MCM5: variants seen among roughly 807,000 people sequenced by gnomAD.
MCM5 encodes minichromosome maintenance complex component 5.
A neutral mutation model predicts 79.9 loss-of-function variants in MCM5; 46 were observed. That is an observed-to-expected ratio of 0.58 (90% confidence interval 0.45 to 0.74). MCM5 has a LOEUF of 0.74. Among genes scored for constraint, MCM5 ranks in the 30% least tolerant of loss-of-function variants. MCM5 has a pLI of 0.00. For synonymous variants in MCM5, 404 were observed against 390.5 expected, an observed-to-expected ratio of 1.03 and a Z score of -0.41; for missense variants, 883 against 1,017.0, an observed-to-expected ratio of 0.87 and a Z score of 1.79.
At chr22:35,444,995 C>T in the MCM5 span, among the ~76,000 whole-genome samples, 1 of 152,244 alleles carries the variant, frequency 6.6e-6, no homozygotes, top group African/African-American at 2.4e-5. Flanking sequence ...CAGAGCGACC[C>T]TGTGACCTGC....
At chr22:35,444,261 T>TGAGAGAGGTG in the MCM5 span, among the ~76,000 whole-genome samples, 1 of 135,380 alleles carries the variant, frequency 7.4e-6, no homozygotes, top group Admixed American at 7.4e-5. Flanking sequence ...AATTAATGGG[T>TGAGAGAGGTG]GAGAGAGGTG....
chr22:35,410,976 A>G lies in MCM5; in HGVS notation c.919+66A>G, dbSNP rs1932367918. On this transcript the variant is annotated intron_variant, in intron 7 of 16. Coordinates refer to ENST00000216122, the MANE Select transcript of MCM5 (RefSeq NM_006739.4). ...GCTGTGCTTGCATACTTCTGGTAAC[A>G]GGCAGCTCGTTACTTCATGAGGTAG... 5 of 1,461,858 alleles carry G rather than the reference A, an allele frequency of 3.4e-6. No individual in the cohort carries two copies. The South Asian group carries it at 6.7e-5, about 20-fold the overall frequency. 90.6% of individuals were successfully genotyped at this position (1,461,858 alleles called of 1,614,324 possible).
chr22:35,447,199 G>A, the MCM5 span, among the ~76,000 whole-genome samples: 123 of 152,292 alleles, frequency 8.1e-4, no homozygotes, highest in Non-Finnish European at 1.5e-3. Flanking sequence ...TCGACATGAA[G>A]CTGTGTGGGA....
the MCM5 span, among the ~76,000 whole-genome samples, chr22:35,452,230 C>G: frequency 0.2 from 30,397 of 151,954 alleles, 3,431 homozygotes; most frequent in African/African-American, 0.31. Flanking sequence ...CAGCACCCAG[C>G]CCTTTGCACC....
chr22:35,425,368 A>T lies in MCM5; in HGVS notation c.*1113A>T, dbSNP rs919862416. ...GGTATTTAAAAGTAATTGCCATGTA[A>T]AAATGACACGAACTTGAAGTAAGAT... On this transcript the variant is annotated 3_prime_UTR_variant, in exon 17 of 17. Transcript: ENST00000216122. The T allele has an allele frequency of 5.9e-5, 9 of 152,242 alleles. No individual in the cohort carries two copies. The highest frequency in any genetic ancestry group is 1.0e-4 in the Non-Finnish European group (7 of 68,040). The allele number at this position is 152,242 out of a possible 1,614,324, so 9.4% of individuals were successfully genotyped here. A position where few individuals can be genotyped will look rare whatever the true frequency, so the allele number is the denominator to read the frequency against.
At chr22:35,417,028 G>A (rs894705882) in intron 12 of MCM5, among the ~76,000 whole-genome samples, 8 of 152,188 alleles carry the variant, frequency 5.3e-5, no homozygotes, top group Admixed American at 2.6e-4. Flanking sequence ...TCTGCCGTGA[G>A]TGATAAGCTG....
intron 9 of MCM5, among the ~76,000 whole-genome samples, chr22:35,414,944 G>A (rs1169891027): frequency 1.3e-5 from 2 of 152,170 alleles, no homozygotes; most frequent in Non-Finnish European, 2.9e-5. Context: ...TGTATAGGGC[G>A]AGATGGTGGT....
rs1047876828 is a variant in MCM5, at chr22:35,405,710, C to T, written c.424-843C>T. Among the ~76,000 whole-genome samples the T allele has an allele frequency of 2.6e-5, 4 of 152,086 alleles. No homozygotes were observed. The East Asian group carries it at 5.8e-4, about 22-fold the overall frequency. On this transcript the variant is annotated intron_variant, in intron 4 of 16. Coordinates refer to ENST00000216122, the MANE Select transcript of MCM5 (RefSeq NM_006739.4). Reference sequence around the variant, plus strand: ...AAGGCATAGCTACAATAACATCACACTTAAAAATTAACATTACGGCCGGGC... The same window carrying T: ...AAGGCATAGCTACAATAACATCACATTTAAAAATTAACATTACGGCCGGGC...
Position 35,406,480 on chromosome 22 carries a change from G to T in MCM5, c.424-73G>T, listed in dbSNP as rs938855754. 1.3e-5 allele frequency: 18 copies of T among 1,423,122 alleles called. No individual in the cohort carries two copies. In the South Asian group the frequency reaches 2.3e-4, roughly 18 times the overall value. 88.2% of individuals were successfully genotyped at this position (1,423,122 alleles called of 1,614,324 possible). On this transcript the variant is annotated intron_variant, in intron 4 of 16. Transcript: ENST00000216122. ...CCACCTCCTCCAGGCTCCTGCCCAG[G>T]ATATTTACTGGCATATCTCAGATGC...
intron 2 of MCM5, chr22:35,401,824 C>G: frequency 2.5e-6 from 1 of 402,960 alleles, no homozygotes; most frequent in Non-Finnish European, 5.0e-6. Context: ...GGTGAAAGGA[C>G]TTAGGGAAGT....
the MCM5 span, among the ~76,000 whole-genome samples, chr22:35,432,802 A>G: frequency 6.8e-6 from 1 of 148,090 alleles, no homozygotes; most frequent in South Asian, 2.1e-4. Context: ...TAGAGATGGG[A>G]GGTCCTAGAG....
At chr22:35,402,593 G>A (rs4645744) in intron 2 of MCM5, among the ~76,000 whole-genome samples, 64 of 151,152 alleles carry the variant, frequency 4.2e-4, no homozygotes, top group African/African-American at 1.2e-3. Context: ...TCAGTCTGTC[G>A]CCCAGGCTGG....
At chr22:35,438,516 C>CAT in the MCM5 span, among the ~76,000 whole-genome samples, 1 of 75,214 alleles carries the variant, frequency 1.3e-5, no homozygotes, top group African/African-American at 4.1e-5. Context: ...TCCATCTATG[C>CAT]ATCCATCCAT....
At chr22:35,428,077 T>G (rs975096564), downstream of MCM5, among the ~76,000 whole-genome samples, 9 of 150,360 alleles carry the variant, frequency 6.0e-5, no homozygotes, top group African/African-American at 2.2e-4. Context: ...CTGGAGTGCA[T>G]TGGCGCGATC....
chr22:35,413,077 CTG>C (rs1932434307), intron 8 of MCM5, among the ~76,000 whole-genome samples: 2 of 151,864 alleles, frequency 1.3e-5, no homozygotes, highest in South Asian at 4.1e-4. Context: ...CAGTCTCACT[CTG>C]TTGCCCAGGC....
At chr22:35,454,618 C>G in the MCM5 span, among the ~76,000 whole-genome samples, 2 of 152,212 alleles carry the variant, frequency 1.3e-5, no homozygotes, top group Non-Finnish European at 2.9e-5. Context: ...CTTGGCTTAG[C>G]CTCTTCCCCA....
At chr22:35,454,865 G>T in the MCM5 span, among the ~76,000 whole-genome samples, 2 of 151,970 alleles carry the variant, frequency 1.3e-5, no homozygotes, top group South Asian at 4.2e-4. Flanking sequence ...TAGCACCCCT[G>T]GTCTCCACCC....
the MCM5 span, among the ~76,000 whole-genome samples, chr22:35,453,819 T>TATATATATATAGAGAGAGAG: frequency 2.9e-4 from 24 of 81,546 alleles, no homozygotes; most frequent in African/African-American, 1.4e-3. Flanking sequence ...TATATATATA[T>TATATATATATAGAGAGAGAG]AGAGAGAGAG....
At chr22:35,434,727 T>C in the MCM5 span, among the ~76,000 whole-genome samples, 1 of 152,238 alleles carries the variant, frequency 6.6e-6, no homozygotes, top group African/African-American at 2.4e-5. Flanking sequence ...CAGGAGATTA[T>C]GACAAGAGTC....
Sources: allele counts gnomAD v4.1 joint callset (sites outside exome capture counted in the v4.1 genomes callset), GRCh38; gene constraint gnomAD v4.1.1; transcripts MANE v1.5; gene names NCBI Gene and HGNC (gene_info 2026-07-23, HGNC 2026-07-21).